NFIB: variants seen among roughly 807,000 people sequenced by gnomAD.
The protein encoded by NFIB is nuclear factor I B.
A neutral mutation model predicts 61.5 loss-of-function variants in NFIB; 11 were observed. That is an observed-to-expected ratio of 0.18 (90% CI 0.11 to 0.30). The LOEUF (loss-of-function observed/expected upper bound fraction) is 0.30, where lower values mean the gene tolerates loss of function less well. NFIB is among the 10% of genes least tolerant of loss of function. The pLI is 1.00. For synonymous variants in NFIB, 260 were observed against 216.5 expected (o/e 1.20, Z -1.76); for missense variants, 471 against 608.9 (o/e 0.77, Z 2.38).
Position 14,086,257 on chromosome 9 carries a change from A to G in NFIB, c.*2052T>C, listed in dbSNP as rs760174937. On this transcript the variant is annotated 3_prime_UTR_variant, in exon 11 of 11. Coordinates refer to ENST00000380953, the MANE Select transcript of NFIB (RefSeq NM_001190737.2). ...CTCCCACCCACCCCAGAATATATAT[A>G]TATGTATATTAAAAAAAATCCCCTG... The G allele has an allele frequency of 1.4e-5, 3 of 219,660 alleles. No homozygotes were observed. In the Admixed American group the frequency reaches 1.7e-4, roughly 13 times the overall value. The allele number at this position is 219,660 out of a possible 1,614,324, so 13.6% of individuals were successfully genotyped here.
At chr9:14,219,286 C>T (rs1287126211) in intron 2 of NFIB, among the ~76,000 whole-genome samples, 1 of 142,394 alleles carries the variant, frequency 7.0e-6, no homozygotes, top group African/African-American at 2.6e-5. Context: ...AGATAAATTA[C>T]GTTACTTTGA....
At chr9:14,388,084 A>C (rs1226748299) in intron 1 of NFIB, among the ~76,000 whole-genome samples, 2 of 152,260 alleles carry the variant, frequency 1.3e-5, no homozygotes, top group African/African-American at 4.8e-5. Flanking sequence ...AAGCCAAGCA[A>C]AACAAAATGA....
chr9:14,082,415 C>T lies in NFIB; in HGVS notation c.*5894G>A, dbSNP rs2032092362. The T allele has an allele frequency of 4.9e-6, 1 of 202,914 alleles. No individual in the cohort carries two copies. The highest frequency in any genetic ancestry group is 1.0e-5 in the Non-Finnish European group (1 of 98,478). The allele number at this position is 202,914 out of a possible 1,614,324, so 12.6% of individuals were successfully genotyped here. A position where few individuals can be genotyped will look rare whatever the true frequency, so the allele number is the denominator to read the frequency against. On this transcript the variant is annotated 3_prime_UTR_variant, in exon 11 of 11. Transcript: ENST00000380953. The stretch of plus-strand genomic sequence containing the variant: ...CAGAGAAATATCATTGAGGTGGGGG[C>T]AGCTCTTCCCAGGATGCTAAAAGTT...
At chr9:14,393,544 T>C (rs971031236) in intron 1 of NFIB, among the ~76,000 whole-genome samples, 1 of 152,218 alleles carries the variant, frequency 6.6e-6, no homozygotes, top group South Asian at 2.1e-4. Context: ...CCAACTCTGC[T>C]GTACCTGGTA....
chr9:14,233,847 G>A (rs948440052), intron 2 of NFIB, among the ~76,000 whole-genome samples: 1 of 152,174 alleles, frequency 6.6e-6, no homozygotes, highest in Non-Finnish European at 1.5e-5. Context: ...CTTAATTCTA[G>A]TCTATCAATT....
At chr9:14,427,255 T>C in the NFIB span, among the ~76,000 whole-genome samples, 1 of 152,330 alleles carries the variant, frequency 6.6e-6, no homozygotes, top group East Asian at 1.9e-4. Context: ...ATGTGTGGCA[T>C]ACAATAATGG....
chr9:14,439,034 G>A, the NFIB span, among the ~76,000 whole-genome samples: 14 of 152,240 alleles, frequency 9.2e-5, no homozygotes, highest in South Asian at 2.9e-3. Context: ...CTGGATTTAT[G>A]GCCAACAGGG....
intron 3 of NFIB, among the ~76,000 whole-genome samples, chr9:14,159,609 C>T (rs2043910397): frequency 6.6e-6 from 1 of 152,178 alleles, no homozygotes; most frequent in African/African-American, 2.4e-5. Context: ...AACGGACAGG[C>T]ATTAACCAAG....
intron 2 of NFIB, among the ~76,000 whole-genome samples, chr9:14,229,632 C>A (rs2052872777): frequency 6.6e-6 from 1 of 152,164 alleles, no homozygotes; most frequent in Admixed American, 6.5e-5. Context: ...ACAGAGTTCT[C>A]AGCTTTACAT....
chr9:14,084,924 T>A lies in NFIB; in HGVS notation c.*3385A>T, dbSNP rs1054612182. On this transcript the variant is annotated 3_prime_UTR_variant, in exon 11 of 11. Coordinates refer to ENST00000380953, the MANE Select transcript of NFIB (RefSeq NM_001190737.2). The stretch of plus-strand genomic sequence containing the variant: ...TTTGTATTCAAGAGGCAGGCAGGAA[T>A]ACCCACAGTGTGTAACTTGGTTAGC... 5.6e-5 allele frequency: 13 copies of A among 230,558 alleles called. No homozygotes were observed. Among genetic ancestry groups the A allele is most frequent in the African/African-American group, 2.2e-4 (10 of 45,148 alleles). 14.3% of individuals were successfully genotyped at this position (230,558 alleles called of 1,614,324 possible).
chr9:14,234,537 T>G (rs1045682207), intron 2 of NFIB, among the ~76,000 whole-genome samples: 1 of 151,936 alleles, frequency 6.6e-6, no homozygotes, highest in Admixed American at 6.6e-5. Context: ...GCCCAGCTAA[T>G]TTTTGTATTT....
intron 8 of NFIB, among the ~76,000 whole-genome samples, chr9:14,116,593 CCT>C (rs772998615): frequency 2.0e-4 from 31 of 152,208 alleles, no homozygotes; most frequent in Non-Finnish European, 3.2e-4. Context: ...TTACAGCACC[CCT>C]GAGAGCCAGG....
At chr9:14,490,157 C>T in the NFIB span, among the ~76,000 whole-genome samples, 1 of 152,024 alleles carries the variant, frequency 6.6e-6, no homozygotes, top group Non-Finnish European at 1.5e-5. Context: ...CAAATTTTAC[C>T]CACTTTTGAT....
chr9:14,475,518 T>C, the NFIB span, among the ~76,000 whole-genome samples: 7 of 152,196 alleles, frequency 4.6e-5, no homozygotes, highest in Admixed American at 3.3e-4. Context: ...CCAGCGAGTC[T>C]TGAATGCCCA....
chr9:14,380,732 T>C (rs903410068), intron 1 of NFIB, among the ~76,000 whole-genome samples: 1 of 152,172 alleles, frequency 6.6e-6, no homozygotes, highest in Non-Finnish European at 1.5e-5. Flanking sequence ...GTGCTTTTTA[T>C]ACATGATCTC....
intron 10 of NFIB, among the ~76,000 whole-genome samples, chr9:14,098,956 C>T (rs935951925): frequency 1.3e-5 from 2 of 152,156 alleles, no homozygotes; most frequent in African/African-American, 2.4e-5. Flanking sequence ...CTTGGGGTTG[C>T]GGGTGGATGG....
chr9:14,217,506 C>G, intron 2 of NFIB, among the ~76,000 whole-genome samples: 1 of 151,732 alleles, frequency 6.6e-6, no homozygotes, highest in East Asian at 1.9e-4. Flanking sequence ...ACTAAAAATA[C>G]AAAATTGGCT....
At chr9:14,491,649 G>A in the NFIB span, among the ~76,000 whole-genome samples, 2 of 152,172 alleles carry the variant, frequency 1.3e-5, no homozygotes, top group African/African-American at 4.8e-5. Context: ...AGATGATCTA[G>A]AAGTTTCTCC....
upstream of NFIB, among the ~76,000 whole-genome samples, chr9:14,401,872 C>A (rs72700551): frequency 0.04 from 6,045 of 151,974 alleles, 150 homozygotes; most frequent in Non-Finnish European, 0.057. Context: ...AAAAGTGAGA[C>A]TGGTGGGCCA....
Sources: allele counts gnomAD v4.1 joint callset (sites outside exome capture counted in the v4.1 genomes callset), GRCh38; gene constraint gnomAD v4.1.1; transcripts MANE v1.5; gene names NCBI Gene and HGNC (gene_info 2026-07-23, HGNC 2026-07-21).